KCNMA1: variants seen among roughly 807,000 people sequenced by gnomAD.
KCNMA1 encodes the protein potassium calcium-activated channel subfamily M alpha 1.
KCNMA1 carries 29 observed loss-of-function variants against 140.0 expected under a neutral mutation model. That is an observed-to-expected ratio of 0.21 (90% CI 0.15 to 0.28). The LOEUF (loss-of-function observed/expected upper bound fraction) is 0.28. KCNMA1 is among the 10% of genes least tolerant of loss of function. The pLI, the probability that KCNMA1 is intolerant of heterozygous loss-of-function variation, is 1.00. For synonymous variants in KCNMA1, 612 were observed against 611.9 expected (o/e 1.00, Z 0.00); for missense variants, 880 against 1,602.2 (o/e 0.55, Z 7.70).
At chr10:77,544,673 G>A (rs997277854) in intron 1 of KCNMA1, among the ~76,000 whole-genome samples, 26 of 152,094 alleles carry the variant, frequency 1.7e-4, no homozygotes, top group African/African-American at 4.6e-4. Flanking sequence ...AGTTTTGCCC[G>A]TCTTCCTGTT....
At chr10:77,146,946 T>C (rs1004976459) in intron 5 of KCNMA1, among the ~76,000 whole-genome samples, 1 of 152,108 alleles carries the variant, frequency 6.6e-6, no homozygotes, top group Admixed American at 6.5e-5. Context: ...GAGTCATTTA[T>C]CCCTCAGTTA....
At chr10:76,872,396 G>A (rs1435315145), downstream of KCNMA1, 1 of 152,172 alleles carries the variant, frequency 6.6e-6, no homozygotes, top group African/African-American at 2.4e-5. Flanking sequence ...CTTCCAGGAA[G>A]AACTGACATC....
At chr10:77,213,619 T>C (rs2046807348) in intron 3 of KCNMA1, among the ~76,000 whole-genome samples, 1 of 152,050 alleles carries the variant, frequency 6.6e-6, no homozygotes, top group Non-Finnish European at 1.5e-5. Flanking sequence ...AGCTCCCAGC[T>C]CTCAGTCTGC....
intron 25 of KCNMA1, among the ~76,000 whole-genome samples, chr10:76,896,634 G>A (rs1023046172): frequency 5.9e-5 from 9 of 152,230 alleles, no homozygotes; most frequent in African/African-American, 1.9e-4. Context: ...CAGTCCCTCC[G>A]TTTGGGGTCT....
chr10:77,336,495 A>G (rs1176721856), intron 2 of KCNMA1, among the ~76,000 whole-genome samples: 1 of 152,218 alleles, frequency 6.6e-6, no homozygotes, highest in African/African-American at 2.4e-5. Context: ...CAATGTTGGA[A>G]GAGAAATCAG....
chr10:77,579,318 C>T (rs1431305851), intron 1 of KCNMA1, among the ~76,000 whole-genome samples: 2 of 152,090 alleles, frequency 1.3e-5, no homozygotes, highest in East Asian at 1.9e-4. Flanking sequence ...CAGGTGTGTG[C>T]GAAGAAGCCT....
chr10:77,122,002 C>T (rs1193039504), intron 5 of KCNMA1, among the ~76,000 whole-genome samples: 1 of 152,194 alleles, frequency 6.6e-6, no homozygotes, highest in Non-Finnish European at 1.5e-5. Flanking sequence ...TATTAAGCAC[C>T]GCCACGTGCC....
At chr10:77,025,271 TATATATATATAC>T (rs1565613718) in intron 16 of KCNMA1, among the ~76,000 whole-genome samples, 1 of 118,802 alleles carries the variant, frequency 8.4e-6, no homozygotes, top group African/African-American at 3.3e-5. Flanking sequence ...TATATATATA[TATATATATATAC>T]ACACACACAT....
intron 1 of KCNMA1, among the ~76,000 whole-genome samples, chr10:77,617,783 A>G (rs11002222): frequency 0.24 from 36,341 of 152,164 alleles, 4,647 homozygotes; most frequent in Middle Eastern, 0.37. Context: ...GCTTGACACC[A>G]TGTCTGACAC....
chr10:77,529,238 T>TCC (rs1567352161), intron 1 of KCNMA1, among the ~76,000 whole-genome samples: 8 of 125,392 alleles, frequency 6.4e-5, no homozygotes, highest in African/African-American at 2.1e-4. Flanking sequence ...TCCCCTCTTT[T>TCC]TCCCCCTGCA....
intron 14 of KCNMA1, among the ~76,000 whole-genome samples, chr10:77,055,015 A>G (rs559250452): frequency 6.6e-6 from 1 of 152,292 alleles, no homozygotes; most frequent in Admixed American, 6.5e-5. Context: ...ATATGCTAAA[A>G]AGCCATGATG....
chr10:77,340,606 G>T (rs532669687), intron 2 of KCNMA1, among the ~76,000 whole-genome samples: 1 of 151,048 alleles, frequency 6.6e-6, no homozygotes, highest in Non-Finnish European at 1.5e-5. Context: ...GCAAACTATC[G>T]CAAGGACAAA....
chr10:76,966,689 G>C (rs118028160), intron 20 of KCNMA1, among the ~76,000 whole-genome samples: 3,225 of 152,284 alleles, frequency 0.021, 47 homozygotes, highest in Middle Eastern at 0.068. Flanking sequence ...ACTACGGGAG[G>C]CTCCTTCAAT....
intron 1 of KCNMA1, among the ~76,000 whole-genome samples, chr10:77,599,999 G>A (rs1019533326): frequency 2.0e-5 from 3 of 152,178 alleles, no homozygotes; most frequent in Non-Finnish European, 2.9e-5. Context: ...ACAAGAGAAA[G>A]CTCACTGCCA....
At chr10:77,015,345 C>T (rs77808132) in intron 17 of KCNMA1, among the ~76,000 whole-genome samples, 380 of 152,170 alleles carry the variant, frequency 2.5e-3, no homozygotes, top group Admixed American at 3.9e-3. Flanking sequence ...GCCCTCCTTC[C>T]CCTTGACCCC....
intron 19 of KCNMA1, among the ~76,000 whole-genome samples, chr10:76,988,748 G>A (rs1196664260): frequency 1.3e-5 from 2 of 152,140 alleles, no homozygotes. Context: ...AGGGGTTTCA[G>A]GGGGATGAGG....
intron 1 of KCNMA1, among the ~76,000 whole-genome samples, chr10:77,495,774 G>C (rs1287202227): frequency 6.6e-6 from 1 of 152,166 alleles, no homozygotes; most frequent in Non-Finnish European, 1.5e-5. Flanking sequence ...GTGGGCAAAA[G>C]AGGAAAGCCA....
At chr10:77,434,040 C>T (rs1005280563) in intron 1 of KCNMA1, among the ~76,000 whole-genome samples, 1 of 152,236 alleles carries the variant, frequency 6.6e-6, no homozygotes, top group African/African-American at 2.4e-5. Flanking sequence ...ACGCCCCAAC[C>T]TCAGAGTTGT....
intron 1 of KCNMA1, among the ~76,000 whole-genome samples, chr10:77,480,735 A>G (rs1482866516): frequency 6.6e-6 from 1 of 151,944 alleles, no homozygotes; most frequent in Non-Finnish European, 1.5e-5. Flanking sequence ...CCCTCCCGGC[A>G]AAGCCCTCCC....
Sources: allele counts gnomAD v4.1 joint callset (sites outside exome capture counted in the v4.1 genomes callset), GRCh38; gene constraint gnomAD v4.1.1; transcripts MANE v1.5; gene names NCBI Gene and HGNC (gene_info 2026-07-23, HGNC 2026-07-21).